SPTBN4: variants seen among roughly 807,000 people sequenced by gnomAD.
The protein encoded by SPTBN4 is spectrin beta, non-erythrocytic 4, also known as spectrin beta chain, non-erythrocytic 4.
In SPTBN4, 96 loss-of-function variants were observed where a neutral mutation model predicts 277.8. That is an observed-to-expected ratio of 0.35 (90% CI 0.29 to 0.41). The LOEUF is 0.41. SPTBN4 is among the 10% of genes least tolerant of loss of function. The pLI is 1.00. For synonymous variants in SPTBN4, 1,481 were observed against 1,580.3 expected (o/e 0.94, Z 1.49); for missense variants, 3,006 against 3,595.7 (o/e 0.84, Z 4.19).
chr19:40,565,271 A>AAAG, intron 27 of SPTBN4, 152 bp from the exon 28 acceptor site: 4 of 980,004 alleles, frequency 4.1e-6, no homozygotes, highest in South Asian at 1.7e-5. Flanking sequence ...TCTCAAAAAA[A>AAAG]AAAAGAAAAG....
chr19:40,570,710 A>G lies in SPTBN4; in HGVS notation c.7301A>G (p.Asn2434Ser). 6.2e-7 allele frequency: 1 copy of G among 1,608,504 alleles called. No individual in the cohort carries two copies. Among genetic ancestry groups the G allele is most frequent in the South Asian group, 1.1e-5 (1 of 90,606 alleles). Reference sequence around the variant, plus strand: ...CTGCGCAAGCGCGAGCTCGACGCTAACCGCAAGTCGTCCAACCGGTGAGCG... The same window carrying G: ...CTGCGCAAGCGCGAGCTCGACGCTAGCCGCAAGTCGTCCAACCGGTGAGCG... Reference protein sequence around the residue: ...FLLRKRELDANRKSSNRSWVS... With the variant: ...FLLRKRELDASRKSSNRSWVS... The change falls in exon 33 of 36, where the codon AAC becomes AGC. Residue 2434 changes from asparagine (N) to serine (S), a missense_variant. By Grantham distance (46) the Asn-to-Ser change is conservative. Transcript: ENST00000598249.
chr19:40,505,003 A>G (rs1160112272), intron 12 of SPTBN4, among the ~76,000 whole-genome samples: 2 of 152,030 alleles, frequency 1.3e-5, no homozygotes, highest in East Asian at 1.9e-4. Flanking sequence ...GGAAATCTAC[A>G]TGACTACAGA....
At chr19:40,483,582 A>G (rs1180981663) in intron 2 of SPTBN4, among the ~76,000 whole-genome samples, 1 of 152,182 alleles carries the variant, frequency 6.6e-6, no homozygotes, top group African/African-American at 2.4e-5. Flanking sequence ...TGCAAAGGAA[A>G]TATCTTGTTT....
chr19:40,472,757 C>T lies in SPTBN4; in HGVS notation c.136C>T (p.Leu46Phe). Residue 46 changes from leucine to phenylalanine, a missense_variant, in exon 2 of 36, where the codon CTC (leucine) becomes TTC (phenylalanine). Coordinates refer to ENST00000598249, the MANE Select transcript of SPTBN4 (RefSeq NM_020971.3). The stretch of plus-strand genomic sequence containing the variant: ...GGCTGCGTCCACCGCAGCGGCCTCG[C>T]TCTTTGAGTGCTCCCGGATCAAGGC... ...QPAASTAAAS[L>F]FECSRIKALA... is the part of the protein sequence containing the mutation. 1.3e-6 allele frequency: 2 copies of T among 1,594,178 alleles called. No homozygotes were observed. Among genetic ancestry groups the T allele is most frequent in the African/African-American group, 1.3e-5 (1 of 74,546 alleles).
intron 27 of SPTBN4, among the ~76,000 whole-genome samples, chr19:40,561,276 G>T (rs1373299035): frequency 6.6e-6 from 1 of 152,046 alleles, no homozygotes; most frequent in Non-Finnish European, 1.5e-5. Flanking sequence ...GCCTTCCAAA[G>T]TGCTGGGATT....
Position 40,519,765 on chromosome 19 carries a change from C to T in SPTBN4, c.3268C>T (p.Leu1090=). The part of the protein sequence containing the change: ...CGEAVAAAGR[L]QRFLHDLDAF... The stretch of plus-strand genomic sequence containing the variant: ...CGAGGCGGTGGCGGCAGCAGGGCGC[C>T]TGCAGCGCTTCCTACATGACCTCGA... The change falls in exon 16 of 36, where the codon CTG becomes TTG. Residue 1090 remains leucine, a synonymous_variant. Coordinates refer to ENST00000598249, the MANE Select transcript of SPTBN4 (RefSeq NM_020971.3). The surrounding 1 kb of genome is among the most constrained non-coding windows in gnomAD (Gnocchi z 5.7). The T allele has an allele frequency of 7.1e-7, 1 of 1,408,896 alleles. No homozygotes were observed. The highest frequency in any genetic ancestry group is 9.1e-7 in the Non-Finnish European group (1 of 1,094,686). The allele number at this position is 1,408,896 out of a possible 1,614,324, so 87.3% of individuals were successfully genotyped here. A position where few individuals can be genotyped will look rare whatever the true frequency, so the allele number is the denominator to read the frequency against.
intron 2 of SPTBN4, among the ~76,000 whole-genome samples, chr19:40,483,303 T>A (rs1382214332): frequency 6.6e-6 from 1 of 152,050 alleles, no homozygotes; most frequent in Non-Finnish European, 1.5e-5. Context: ...ATGGGCATCA[T>A]CTGTTAGAAG....
At chr19:40,528,971 A>ACAG in intron 17 of SPTBN4, 70 bp from the exon 18 acceptor site, 1 of 1,202,846 alleles carries the variant, frequency 8.3e-7, no homozygotes. Context: ...CAGTGCCCTC[A>ACAG]CAGTCCTACT....
chr19:40,496,880 C>G (rs2080202966), intron 6 of SPTBN4, among the ~76,000 whole-genome samples: 1 of 151,858 alleles, frequency 6.6e-6, no homozygotes, highest in African/African-American at 2.4e-5. Flanking sequence ...CGAGACCAGC[C>G]TGGCCAACAT....
chr19:40,472,691 C>T lies in SPTBN4; in HGVS notation c.70C>T (p.Arg24Cys), dbSNP rs759994635. ...LPAPNNNPAA[R>C]WESPDRGWER... ...TGCTCCTAACAACAACCCTGCTGCC[C>T]GCTGGGAGAGTCCGGATCGGGGCTG... The change falls in exon 2 of 36, where the codon CGC becomes TGC. Residue 24 changes from arginine (R) to cysteine (C), a missense_variant. Around this residue, in one of 5 missense-constraint regions of SPTBN4, gnomAD observed 78 missense variants for 65.7 expected, o/e 1.19. Transcript: ENST00000598249. 3.7e-5 allele frequency: 59 copies of T among 1,613,570 alleles called. No homozygotes were observed. The highest frequency in any genetic ancestry group is 6.7e-5 in the Admixed American group (4 of 59,946).
chr19:40,533,437 T>C (rs1280782026), intron 19 of SPTBN4, among the ~76,000 whole-genome samples: 1 of 152,228 alleles, frequency 6.6e-6, no homozygotes, highest in East Asian at 1.9e-4. Flanking sequence ...GAGGTAGATA[T>C]TTGCTCTAAG....
At chr19:40,498,673 G>A (rs551930083) in intron 7 of SPTBN4, among the ~76,000 whole-genome samples, 4 of 150,396 alleles carry the variant, frequency 2.7e-5, no homozygotes, top group South Asian at 2.1e-4. Flanking sequence ...CAAAGTGCTG[G>A]GATTACAGGC....
At chr19:40,496,998 C>T (rs1352323711) in intron 6 of SPTBN4, among the ~76,000 whole-genome samples, 1 of 145,510 alleles carries the variant, frequency 6.9e-6, no homozygotes, top group Non-Finnish European at 1.5e-5. Flanking sequence ...GCTTGAACCT[C>T]GGAGGCGGAG....
chr19:40,572,398 C>G lies in SPTBN4; in HGVS notation c.7536+18C>G. The G allele has an allele frequency of 6.2e-7, 1 of 1,614,140 alleles. No individual in the cohort carries two copies. Among genetic ancestry groups the G allele is most frequent in the Non-Finnish European group, 8.5e-7 (1 of 1,179,988 alleles). The stretch of plus-strand genomic sequence containing the variant: ...AAGATGAGGTGAGATCTGGTCCTTT[C>G]CTCCCTCTGTGTGGACCTCAGTAAT... On this transcript the variant is annotated intron_variant, in intron 35 of 35. Coordinates refer to ENST00000598249, the MANE Select transcript of SPTBN4 (RefSeq NM_020971.3).
rs143047388 is a variant in SPTBN4, at chr19:40,545,960, G to A, written c.4360-3229G>A. 4.0e-3 allele frequency among the ~76,000 whole-genome samples: 600 copies of A among 151,170 alleles called. 8 individuals are homozygous for A. The highest frequency in any genetic ancestry group is 0.037 in the East Asian group (187 of 5,114). ...TGGGAGGCTGAGGCAGGAGAATGCCGTGAACCCAGGAGGCAGAGCTTGGAG... is the reference window on the plus strand; with the variant it reads ...TGGGAGGCTGAGGCAGGAGAATGCCATGAACCCAGGAGGCAGAGCTTGGAG... On this transcript the variant is annotated intron_variant, in intron 20 of 35. Transcript: ENST00000598249.
chr19:40,467,705 A>C (rs572146265), intron 1 of SPTBN4, among the ~76,000 whole-genome samples: 3 of 151,328 alleles, frequency 2.0e-5, no homozygotes, highest in Non-Finnish European at 4.4e-5. Context: ...CTTCCCATTC[A>C]ATCGCGTTAT....
chr19:40,549,112 A>G, intron 20 of SPTBN4, 77 bp from the exon 21 acceptor site: 3 of 1,255,520 alleles, frequency 2.4e-6, no homozygotes, highest in Non-Finnish European at 2.2e-6. Context: ...TCTGGCTGTC[A>G]CCATAAGGGT....
In SPTBN4 at chr19:40,513,226, C is replaced by T. The variant is rs2080414262; in HGVS notation, c.2437C>T (p.Arg813Cys). The change falls in exon 14 of 36, where the codon CGC (arginine) becomes TGC (cysteine). Residue 813 changes from arginine to cysteine, a missense_variant. By Grantham distance (180) the Arg-to-Cys change is radical. Coordinates refer to ENST00000598249, the MANE Select transcript of SPTBN4 (RefSeq NM_020971.3). ...HDEASSRRLA[R>C]QHRALTGEVE... Reference sequence around the variant, plus strand: ...CGAAGCTTCCAGCCGCCGCCTGGCGCGCCAGCACCGCGCGCTCACCGGGGA... The same window carrying T: ...CGAAGCTTCCAGCCGCCGCCTGGCGTGCCAGCACCGCGCGCTCACCGGGGA... The T allele has an allele frequency of 1.3e-6, 2 of 1,513,682 alleles. No homozygotes were observed. Among genetic ancestry groups the T allele is most frequent in the East Asian group, 2.6e-5 (1 of 38,440 alleles). 93.8% of individuals were successfully genotyped at this position (1,513,682 alleles called of 1,614,324 possible).
At chr19:40,547,633 T>C (rs1009670182) in intron 20 of SPTBN4, among the ~76,000 whole-genome samples, 29 of 152,330 alleles carry the variant, frequency 1.9e-4, no homozygotes, top group Admixed American at 1.4e-3. Context: ...TGAACCAGTT[T>C]ACATTCCCAC....
Sources: gnomAD v4.1 joint callset for allele counts (sites outside exome capture counted in the v4.1 genomes callset) on GRCh38, gnomAD v4.1.1 for gene constraint, gnomAD v4.1.1 regional missense constraint, Gnocchi (gnomAD v3.1) non-coding constraint, MANE v1.5 for transcripts, NCBI Gene and HGNC (gene_info 2026-07-23, HGNC 2026-07-21) for gene names.